The following BRD7 variants were observed in gnomAD, a reference collection of about 807,000 sequenced individuals.
BRD7 encodes the protein bromodomain-containing protein 7.
Under a neutral mutation model 82.1 loss-of-function variants are expected in BRD7, and 15 were observed. The ratio of observed to expected loss-of-function variants is 0.18; its 90% CI spans 0.12 to 0.28. The LOEUF (loss-of-function observed/expected upper bound fraction) is 0.28. BRD7 is among the 10% of genes least tolerant of loss of function. BRD7 has a pLI of 1.00. For synonymous variants in BRD7, 232 were observed against 266.9 expected, an observed-to-expected ratio of 0.87 and a Z score of 1.27; for missense variants, 638 against 779.9, an observed-to-expected ratio of 0.82 and a Z score of 2.17.
chr16:50,334,260 G>A (rs928964238), intron 7 of BRD7, among the ~76,000 whole-genome samples: 3 of 152,162 alleles, frequency 2.0e-5, no homozygotes, highest in Non-Finnish European at 4.4e-5. Context: ...GTGGTTCAGC[G>A]TTGCTCCCAC....
intron 16 of BRD7, 141 bp from the exon 17 acceptor site, chr16:50,319,407 T>G (rs2036970418): frequency 1.5e-6 from 1 of 670,988 alleles, no homozygotes; most frequent in Non-Finnish European, 2.6e-6. Context: ...ACTACGCGCA[T>G]TATCAGGTGA....
At chr16:50,334,588 A>C in intron 7 of BRD7, 123 bp downstream of exon 7, 1 of 1,194,936 alleles carries the variant, frequency 8.4e-7, no homozygotes, top group South Asian at 1.5e-5. Flanking sequence ...CTTTCATGCC[A>C]AAACACCACC....
At chr16:50,367,460 G>T (rs1464637347) in intron 2 of BRD7, among the ~76,000 whole-genome samples, 1 of 152,178 alleles carries the variant, frequency 6.6e-6, no homozygotes, top group African/African-American at 2.4e-5. Context: ...CCAGCCTCAA[G>T]CAATCCTCCC....
Position 50,354,789 on chromosome 16 carries a change from C to T in BRD7, c.388+4G>A. On this transcript the variant is annotated splice_donor_region_variant and intron_variant, in intron 3 of 16. Coordinates refer to ENST00000394688, the MANE Select transcript of BRD7 (RefSeq NM_013263.5). ...CAGGATAGTTAATTCAGAGTTATTCCAACCTTCTTGTTTGGCTAAAGAGCT... is the reference window on the plus strand; with the variant it reads ...CAGGATAGTTAATTCAGAGTTATTCTAACCTTCTTGTTTGGCTAAAGAGCT... 3 of 1,610,294 alleles carry T rather than the reference C, an allele frequency of 1.9e-6. No homozygotes were observed. Among genetic ancestry groups the T allele is most frequent in the Non-Finnish European group, 2.5e-6 (3 of 1,179,390 alleles).
intron 5 of BRD7, among the ~76,000 whole-genome samples, chr16:50,347,081 C>A (rs2038314877): frequency 6.6e-6 from 1 of 152,216 alleles, no homozygotes; most frequent in South Asian, 2.1e-4. Flanking sequence ...TTGGCTTCAT[C>A]CCTGGGAGGC....
chr16:50,331,363 T>C (rs1255470353), intron 8 of BRD7, among the ~76,000 whole-genome samples: 2 of 152,210 alleles, frequency 1.3e-5, no homozygotes. Flanking sequence ...AAAGCAATTC[T>C]AAGCAAAAAG....
intron 5 of BRD7, among the ~76,000 whole-genome samples, chr16:50,342,252 C>G (rs1008216675): frequency 2.7e-4 from 41 of 151,928 alleles, no homozygotes; most frequent in Admixed American, 6.6e-5. Context: ...CTGAAATAAA[C>G]GGTTTTAGCC....
At chr16:50,334,942 TTAAAG>T (rs1171613341) in intron 6 of BRD7, 47 bp from the exon 7 acceptor site, 2 of 1,567,346 alleles carry the variant, frequency 1.3e-6, no homozygotes, top group African/African-American at 2.7e-5. Context: ...TCATTAACTT[TTAAAG>T]TAATGCATTT....
intron 2 of BRD7, among the ~76,000 whole-genome samples, chr16:50,363,880 AC>A (rs1481120217): frequency 2.0e-5 from 3 of 152,086 alleles, no homozygotes; most frequent in African/African-American, 7.2e-5. Flanking sequence ...ACATAGCAAG[AC>A]CCCATCTTTA....
intron 2 of BRD7, among the ~76,000 whole-genome samples, chr16:50,363,668 CGCGCGTGCGCGT>C (rs1172535524): frequency 1.6e-3 from 85 of 53,946 alleles, no homozygotes; most frequent in Admixed American, 8.3e-3. Context: ...TGTGCGCGCG[CGCGCGTGCGCGT>C]GTGCTTCCCC....
At position 50,319,096 on chromosome 16, in the gene BRD7, G is replaced by C. The variant is rs943688391; in HGVS notation, c.*115C>G. 149 of 1,066,680 alleles carry C rather than the reference G, an allele frequency of 1.4e-4. No individual in the cohort carries two copies. Among genetic ancestry groups the C allele is most frequent in the Non-Finnish European group, 1.9e-4 (144 of 739,238 alleles). 66.1% of individuals were successfully genotyped at this position (1,066,680 alleles called of 1,614,324 possible). A position where few individuals can be genotyped will look rare whatever the true frequency, so the allele number is the denominator to read the frequency against. On this transcript the variant is annotated 3_prime_UTR_variant, in exon 17 of 17. Coordinates refer to ENST00000394688, the MANE Select transcript of BRD7 (RefSeq NM_013263.5). ...AACCTCTGGAACATCCAAATTCGCT[G>C]TTCCAAAGTTTAATTAAAAACACAA...
Position 50,333,683 on chromosome 16 carries a change from A to C in BRD7, c.902T>G (p.Met301Arg), listed in dbSNP as rs767195952. Reference sequence around the variant, plus strand: ...ATTGCTTTTAAACTTATCTTCAAGCATATCTTTGTCTTTCCTGAAAATATA... The same window carrying C: ...ATTGCTTTTAAACTTATCTTCAAGCCTATCTTTGTCTTTCCTGAAAATATA... ...SKENKKKDKDMLEDKFKSNNL... is the reference protein window; with the variant it reads ...SKENKKKDKDRLEDKFKSNNL... The change falls in exon 8 of 17, where the codon ATG becomes AGG. Residue 301 changes from methionine to arginine, a missense_variant. Physicochemically the swap from Met to Arg is moderately conservative, Grantham distance 91. Coordinates refer to ENST00000394688, the MANE Select transcript of BRD7 (RefSeq NM_013263.5). 5 of 1,586,494 alleles carry C rather than the reference A, an allele frequency of 3.2e-6. No individual in the cohort carries two copies. The South Asian group carries it at 5.5e-5, about 18-fold the overall frequency.
chr16:50,342,157 C>G (rs760054241), intron 5 of BRD7, among the ~76,000 whole-genome samples: 4 of 151,788 alleles, frequency 2.6e-5, no homozygotes, highest in Non-Finnish European at 4.4e-5. Flanking sequence ...AGAGAAAGAT[C>G]AGAGGAAAAT....
In BRD7 at chr16:50,316,647, T is replaced by C. The variant is rs2036813705; in HGVS notation, c.*2564A>G. ...CTCACAAATGCTGAGCCGTTCTTGC[T>C]CTGAAACTGCGTGAGTCAAGGCAAA... On this transcript the variant is annotated 3_prime_UTR_variant, in exon 17 of 17. Coordinates refer to ENST00000394688, the MANE Select transcript of BRD7 (RefSeq NM_013263.5). 6.6e-6 allele frequency: 1 copy of C among 152,392 alleles called. No homozygotes were observed. Among genetic ancestry groups the C allele is most frequent in the East Asian group, 1.9e-4 (1 of 5,338 alleles). 9.4% of individuals were successfully genotyped at this position (152,392 alleles called of 1,614,324 possible).
intron 4 of BRD7, among the ~76,000 whole-genome samples, chr16:50,350,726 T>C (rs1187395764): frequency 6.6e-6 from 1 of 152,216 alleles, no homozygotes; most frequent in Non-Finnish European, 1.5e-5. Context: ...AAGACAGGAC[T>C]GGACCAAAAA....
intron 2 of BRD7, among the ~76,000 whole-genome samples, chr16:50,367,655 C>T (rs897690457): frequency 2.6e-5 from 4 of 152,202 alleles, no homozygotes; most frequent in African/African-American, 9.6e-5. Context: ...CACTACAACA[C>T]TGTTTTAAAA....
intron 2 of BRD7, among the ~76,000 whole-genome samples, chr16:50,366,190 A>G (rs1353080884): frequency 1.3e-5 from 2 of 152,228 alleles, no homozygotes; most frequent in Admixed American, 6.5e-5. Context: ...CAAACATGTT[A>G]GAACTTATAA....
chr16:50,320,545 C>T, intron 14 of BRD7, 118 bp downstream of exon 14: 1 of 1,407,252 alleles, frequency 7.1e-7, no homozygotes, highest in Non-Finnish European at 1.0e-6. Flanking sequence ...ATTCATTTAA[C>T]TTGGTAAGCC....
At chr16:50,319,593 G>C (rs1156457649) in intron 16 of BRD7, among the ~76,000 whole-genome samples, 2 of 151,508 alleles carry the variant, frequency 1.3e-5, no homozygotes, top group Non-Finnish European at 2.9e-5. Flanking sequence ...AAAATATTTG[G>C]GGAAAAAACC....
Sources: gnomAD v4.1 joint callset for allele counts (sites outside exome capture counted in the v4.1 genomes callset) on GRCh38, gnomAD v4.1.1 for gene constraint, MANE v1.5 for transcripts, NCBI Gene and HGNC (gene_info 2026-07-23, HGNC 2026-07-21) for gene names.